The following SLC35F1 variants were observed in gnomAD, a reference collection of about 807,000 sequenced individuals.
SLC35F1 encodes the protein chromosome 6 open reading frame 169.
Under a neutral mutation model 48.7 loss-of-function variants are expected in SLC35F1, and 14 were observed. The ratio of observed to expected loss-of-function variants is 0.29; its 90% CI spans 0.19 to 0.45. SLC35F1 has a LOEUF of 0.45. Ranked by LOEUF, SLC35F1 falls within the 20% of genes least tolerant of loss-of-function variation. The pLI is 1.00. For synonymous variants in SLC35F1, 190 were observed against 202.2 expected, an observed-to-expected ratio of 0.94 and a Z score of 0.51; for missense variants, 404 against 500.0, an observed-to-expected ratio of 0.81 and a Z score of 1.83.
At chr6:118,097,753 C>T (rs1773197506) in intron 1 of SLC35F1, among the ~76,000 whole-genome samples, 1 of 152,218 alleles carries the variant, frequency 6.6e-6, no homozygotes, top group Non-Finnish European at 1.5e-5. Flanking sequence ...CCCAGTTAAA[C>T]AAAGTACTAT....
chr6:117,954,239 C>T (rs1319844313), intron 1 of SLC35F1, among the ~76,000 whole-genome samples: 3 of 152,050 alleles, frequency 2.0e-5, no homozygotes, highest in Non-Finnish European at 2.9e-5. Context: ...ACCAAGAAGA[C>T]AAGAGTTTGT....
intron 1 of SLC35F1, chr6:117,999,549 A>G (rs1170284340): frequency 1.5e-6 from 1 of 675,992 alleles, no homozygotes; most frequent in African/African-American, 1.8e-5. Context: ...TGCTATTTGT[A>G]CAAATAAACC....
At chr6:118,245,507 C>G (rs1775495955) in intron 3 of SLC35F1, among the ~76,000 whole-genome samples, 1 of 152,166 alleles carries the variant, frequency 6.6e-6, no homozygotes, top group Admixed American at 6.5e-5. Context: ...TGGCGTTCTG[C>G]TGGCCTCTGC....
At chr6:117,952,421 T>C (rs1426654644) in intron 1 of SLC35F1, among the ~76,000 whole-genome samples, 1 of 152,250 alleles carries the variant, frequency 6.6e-6, no homozygotes, top group Non-Finnish European at 1.5e-5. Flanking sequence ...ATTTGCTTCT[T>C]TCAGAAAATG....
At chr6:118,095,132 A>T (rs1032629784) in intron 1 of SLC35F1, among the ~76,000 whole-genome samples, 14 of 152,222 alleles carry the variant, frequency 9.2e-5, no homozygotes, top group African/African-American at 3.4e-4. Context: ...ACTCTGTCTC[A>T]AAAAGAAAAG....
chr6:118,227,714 G>A (rs1018158871), intron 2 of SLC35F1, among the ~76,000 whole-genome samples: 8 of 152,020 alleles, frequency 5.3e-5, no homozygotes, highest in Non-Finnish European at 8.8e-5. Flanking sequence ...AATATAGGGT[G>A]GGCAAAAACA....
intron 1 of SLC35F1, among the ~76,000 whole-genome samples, chr6:118,154,209 C>T (rs1774105451): frequency 6.6e-6 from 1 of 152,150 alleles, no homozygotes; most frequent in Non-Finnish European, 1.5e-5. Context: ...TTGCCACTTC[C>T]TAGTTACATG....
At chr6:117,952,001 CCAGCCGGCAGCCT>C (rs1299645034) in intron 1 of SLC35F1, among the ~76,000 whole-genome samples, 1 of 152,252 alleles carries the variant, frequency 6.6e-6, no homozygotes, top group Admixed American at 6.5e-5. Flanking sequence ...GTTGTGGCTG[CCAGCCGGCAGCCT>C]GCCTCATGCT....
chr6:118,084,060 C>T (rs568025832), intron 1 of SLC35F1, among the ~76,000 whole-genome samples: 4 of 152,070 alleles, frequency 2.6e-5, no homozygotes, highest in Non-Finnish European at 4.4e-5. Flanking sequence ...TTTAATTTCC[C>T]GATTTTGCAT....
chr6:118,068,328 G>A (rs948248204), intron 1 of SLC35F1, among the ~76,000 whole-genome samples: 13 of 152,148 alleles, frequency 8.5e-5, no homozygotes, highest in African/African-American at 3.1e-4. Flanking sequence ...AAAGAATAAA[G>A]TTAGAGCAGC....
intron 2 of SLC35F1, among the ~76,000 whole-genome samples, chr6:118,190,404 A>G (rs1001602430): frequency 2.0e-5 from 3 of 152,026 alleles, no homozygotes; most frequent in Non-Finnish European, 2.9e-5. Context: ...CTATTGCATG[A>G]GCTCAGTCCA....
chr6:118,290,734 T>A (rs568438246), intron 7 of SLC35F1, among the ~76,000 whole-genome samples: 14 of 151,824 alleles, frequency 9.2e-5, no homozygotes, highest in Non-Finnish European at 1.9e-4. Context: ...CAGGGAGAAG[T>A]GTAGCACTAA....
intron 1 of SLC35F1, among the ~76,000 whole-genome samples, chr6:117,910,321 G>T (rs1185196256): frequency 1.3e-5 from 2 of 152,220 alleles, no homozygotes; most frequent in Non-Finnish European, 2.9e-5. Flanking sequence ...TGATGTGTTG[G>T]ACTAGTCAGT....
At position 118,231,519 on chromosome 6, in the gene SLC35F1, C is replaced by T. The variant is rs1431125442; in HGVS notation, c.350-3990C>T. ...ATAAATCCCCAAGCTGGCTTTTCAA[C>T]GGTTGCATTTTTTGCTTAGCCAAAA... On this transcript the variant is annotated intron_variant, in intron 2 of 7. Transcript: ENST00000360388. Among the ~76,000 whole-genome samples, 6 of 152,240 alleles carry T rather than the reference C, an allele frequency of 3.9e-5. No homozygotes were observed. In the East Asian group the frequency reaches 7.7e-4, roughly 20 times the overall value.
intron 1 of SLC35F1, among the ~76,000 whole-genome samples, chr6:117,921,351 G>T (rs1421274023): frequency 6.6e-6 from 1 of 152,170 alleles, no homozygotes; most frequent in Non-Finnish European, 1.5e-5. Context: ...ACCCCGTAAG[G>T]GGTTTCCCCC....
intron 2 of SLC35F1, among the ~76,000 whole-genome samples, chr6:118,224,159 T>C (rs1054080096): frequency 2.6e-5 from 4 of 152,202 alleles, no homozygotes; most frequent in Non-Finnish European, 4.4e-5. Context: ...TATGAATACA[T>C]AGTTTCATTA....
Position 118,218,465 on chromosome 6 carries a change from T to C in SLC35F1, c.350-17044T>C, listed in dbSNP as rs116085668. Among the ~76,000 whole-genome samples the C allele has an allele frequency of 9.6e-3, 1,459 of 152,244 alleles. 22 individuals carry two copies. Among genetic ancestry groups the C allele is most frequent in the African/African-American group, 0.033 (1,377 of 41,560 alleles). On this transcript the variant is annotated intron_variant, in intron 2 of 7. Coordinates refer to ENST00000360388, the MANE Select transcript of SLC35F1 (RefSeq NM_001029858.4). Reference sequence around the variant, plus strand: ...TTTGGTCTTTGAATTAGATCTAAGATGTAAGAAGCAAAGGAAGTAAAAAGG... The same window carrying C: ...TTTGGTCTTTGAATTAGATCTAAGACGTAAGAAGCAAAGGAAGTAAAAAGG...
intron 1 of SLC35F1, among the ~76,000 whole-genome samples, chr6:118,009,079 C>T (rs1224072991): frequency 3.9e-5 from 6 of 152,090 alleles, no homozygotes; most frequent in East Asian, 1.9e-4. Context: ...GTCCAGTTAA[C>T]GAGCAACAAA....
intron 2 of SLC35F1, among the ~76,000 whole-genome samples, chr6:118,216,373 G>GATTCAA (rs1775072577): frequency 1.3e-5 from 2 of 150,660 alleles, no homozygotes; most frequent in Non-Finnish European, 3.0e-5. Context: ...AATCACTATA[G>GATTCAA]TCTTTAGAAT....
Sources: allele counts gnomAD v4.1 joint callset (sites outside exome capture counted in the v4.1 genomes callset), GRCh38; gene constraint gnomAD v4.1.1; transcripts MANE v1.5; gene names NCBI Gene and HGNC (gene_info 2026-07-23, HGNC 2026-07-21).